TRIM61: variants seen among roughly 807,000 people sequenced by gnomAD.
TRIM61 encodes tripartite motif containing 61, also known as putative tripartite motif-containing protein 61.
Under a neutral mutation model 14.2 loss-of-function variants are expected in TRIM61, and 1 was observed. That is an observed-to-expected ratio of 0.07 (90% CI 0.03 to 0.33). TRIM61 has a LOEUF of 0.33. Ranked by LOEUF, TRIM61 falls within the 10% of genes least tolerant of loss-of-function variation. The probability of loss-of-function intolerance (pLI) is 0.99; values close to 1 mark genes in which losing one functional copy is unlikely to be tolerated. For synonymous variants in TRIM61, 8 were observed against 71.6 expected, an observed-to-expected ratio of 0.11 and a Z score of 4.49; for missense variants, 19 against 202.2, an observed-to-expected ratio of 0.09 and a Z score of 5.49.
intron 2 of TRIM61, among the ~76,000 whole-genome samples, chr4:164,974,615 C>T (rs1321068739): frequency 6.6e-6 from 1 of 152,060 alleles, no homozygotes; most frequent in East Asian, 1.9e-4. Context: ...GTCGTGGCTT[C>T]AGGGCTGTAA....
intron 3 of TRIM61, chr4:164,958,839 GA>G (rs952397373): frequency 6.0e-6 from 1 of 167,056 alleles, no homozygotes; most frequent in African/African-American, 2.4e-5. Flanking sequence ...ACAGAGGCAT[GA>G]TTTATTCCAG....
chr4:164,966,014 G>T (rs1026663422), intron 3 of TRIM61, among the ~76,000 whole-genome samples: 4 of 152,206 alleles, frequency 2.6e-5, no homozygotes, highest in Non-Finnish European at 5.9e-5. Flanking sequence ...CAATGCAAGA[G>T]ATGCCAAGAA....
chr4:164,966,586 A>C (rs1177691634), intron 3 of TRIM61, among the ~76,000 whole-genome samples: 1 of 152,252 alleles, frequency 6.6e-6, no homozygotes, highest in Non-Finnish European at 1.5e-5. Flanking sequence ...TCTTGTGAAC[A>C]ATAACTCAAA....
chr4:164,965,904 A>T (rs934007922), intron 3 of TRIM61, among the ~76,000 whole-genome samples: 1 of 151,588 alleles, frequency 6.6e-6, no homozygotes, highest in Non-Finnish European at 1.5e-5. Context: ...GGTCTCAAAA[A>T]CTTTATTTCC....
intron 3 of TRIM61, chr4:164,958,740 G>C (rs905220439): frequency 3.6e-5 from 6 of 166,636 alleles, no homozygotes; most frequent in African/African-American, 1.4e-4. Flanking sequence ...ATTATGTAGA[G>C]AGCTATTAGT....
intron 3 of TRIM61, among the ~76,000 whole-genome samples, chr4:164,965,721 CTG>C (rs1467169575): frequency 6.6e-6 from 1 of 152,160 alleles, no homozygotes; most frequent in Non-Finnish European, 1.5e-5. Context: ...GCATGAGACA[CTG>C]TGCCCGGCCT....
chr4:164,968,896 G>C, intron 3 of TRIM61: 10 of 990,322 alleles, frequency 1.0e-5, no homozygotes, highest in Non-Finnish European at 1.2e-5. Flanking sequence ...TGGGAAGACA[G>C]TCATTACAGA....
chr4:164,963,621 G>A (rs1032879593), intron 3 of TRIM61, among the ~76,000 whole-genome samples: 1 of 152,050 alleles, frequency 6.6e-6, no homozygotes, highest in Non-Finnish European at 1.5e-5. Context: ...GTGTGCACCT[G>A]TAATCCCAGC....
At chr4:164,961,684 C>CA (rs987494937) in intron 3 of TRIM61, among the ~76,000 whole-genome samples, 6 of 150,920 alleles carry the variant, frequency 4.0e-5, no homozygotes, top group Non-Finnish European at 8.9e-5. Flanking sequence ...AAACACACAC[C>CA]AAAAAAACCC....
At chr4:164,963,192 C>T (rs900691265) in intron 3 of TRIM61, among the ~76,000 whole-genome samples, 4 of 151,924 alleles carry the variant, frequency 2.6e-5, no homozygotes, top group Non-Finnish European at 4.4e-5. Context: ...TGTGATTCTG[C>T]CTATGAATAG....
At chr4:164,964,917 T>C (rs1732206223) in intron 3 of TRIM61, among the ~76,000 whole-genome samples, 1 of 152,226 alleles carries the variant, frequency 6.6e-6, no homozygotes, top group Non-Finnish European at 1.5e-5. Context: ...ATAACACTTA[T>C]TTCACCAACG....
At chr4:164,968,759 T>C (rs1579147690) in intron 3 of TRIM61, 1 of 978,986 alleles carries the variant, frequency 1.0e-6, no homozygotes, top group East Asian at 1.1e-4. Flanking sequence ...AATGCCAATC[T>C]TACTAGGAAT....
At chr4:164,960,693 A>G (rs550571314) in intron 3 of TRIM61, among the ~76,000 whole-genome samples, 3 of 152,158 alleles carry the variant, frequency 2.0e-5, no homozygotes, top group Non-Finnish European at 2.9e-5. Flanking sequence ...GGTCATGCCC[A>G]TAATCCCATC....
chr4:164,972,035 A>G (rs1732378996), intron 2 of TRIM61, among the ~76,000 whole-genome samples: 1 of 152,242 alleles, frequency 6.6e-6, no homozygotes, highest in African/African-American at 2.4e-5. Flanking sequence ...AATATGCAGT[A>G]GCCCTAGAAA....
intron 2 of TRIM61, among the ~76,000 whole-genome samples, chr4:164,972,108 G>T (rs1347082374): frequency 6.6e-6 from 1 of 152,166 alleles, no homozygotes; most frequent in Non-Finnish European, 1.5e-5. Flanking sequence ...GACTGCACAA[G>T]CAAAAGCTAT....
At chr4:164,967,381 G>T (rs755998858) in intron 3 of TRIM61, among the ~76,000 whole-genome samples, 1 of 152,148 alleles carries the variant, frequency 6.6e-6, no homozygotes, top group East Asian at 1.9e-4. Flanking sequence ...ACCCATCTGT[G>T]ATCTATTGAA....
At chr4:164,970,869 G>A (rs996746983) in intron 2 of TRIM61, among the ~76,000 whole-genome samples, 1 of 152,144 alleles carries the variant, frequency 6.6e-6, no homozygotes, top group African/African-American at 2.4e-5. Flanking sequence ...GGGGGCCAAG[G>A]CGCTCAGCTC....
At position 164,960,948 on chromosome 4, in the gene TRIM61, C is replaced by T. The variant is rs1732116876; in HGVS notation, c.526-5852G>A. On this transcript the variant is annotated intron_variant, in intron 3 of 4. Transcript: ENST00000329314. ...CCTGGGTGGCAGAGTAAGACTCTAT[C>T]TCAAAAAAAATGTATACATATATAC... Among the ~76,000 whole-genome samples the T allele has an allele frequency of 2.6e-5, 4 of 151,158 alleles. No individual in the cohort carries two copies. In the South Asian group the frequency reaches 8.3e-4, roughly 32 times the overall value.
At chr4:164,974,893 C>T (rs1290342179) in intron 2 of TRIM61, among the ~76,000 whole-genome samples, 1 of 152,062 alleles carries the variant, frequency 6.6e-6, no homozygotes, top group Non-Finnish European at 1.5e-5. Context: ...AGTGAGGTTG[C>T]ATAGGGTGCT....
Sources: allele counts gnomAD v4.1 joint callset (sites outside exome capture counted in the v4.1 genomes callset), GRCh38; gene constraint gnomAD v4.1.1; transcripts MANE v1.5; gene names NCBI Gene and HGNC (gene_info 2026-07-23, HGNC 2026-07-21).